DAPL1: variants seen among roughly 807,000 people sequenced by gnomAD.
DAPL1 encodes death-associated protein-like 1.
Under a neutral mutation model 12.9 loss-of-function variants are expected in DAPL1, and 17 were observed. The observed-to-expected ratio is 1.32, with a 90% CI of 0.90 to 1.98. The LOEUF (loss-of-function observed/expected upper bound fraction) is 1.98, where lower values mean the gene tolerates loss of function less well. Ranked by LOEUF, DAPL1 falls within the 30% of genes most tolerant of loss-of-function variation. The pLI is 0.00. For synonymous variants in DAPL1, 51 were observed against 42.0 expected (o/e 1.21, Z -0.82); for missense variants, 157 against 125.7 (o/e 1.25, Z -1.19).
At chr2:158,798,042 G>A (rs1387040383) in intron 1 of DAPL1, among the ~76,000 whole-genome samples, 4 of 152,112 alleles carry the variant, frequency 2.6e-5, no homozygotes, top group Admixed American at 6.6e-5. Flanking sequence ...CCCATTATAT[G>A]AACAGCAGCA....
intron 1 of DAPL1, among the ~76,000 whole-genome samples, chr2:158,796,996 A>T (rs892213371): frequency 1.3e-5 from 2 of 152,244 alleles, no homozygotes; most frequent in East Asian, 3.8e-4. Context: ...CTGTCTTGCC[A>T]CTAATTTTAA....
intron 1 of DAPL1, among the ~76,000 whole-genome samples, chr2:158,796,284 C>T (rs766114075): frequency 6.6e-6 from 1 of 152,136 alleles, no homozygotes; most frequent in Non-Finnish European, 1.5e-5. Flanking sequence ...CTGTCTAATT[C>T]TCTGGCACCT....
At chr2:158,815,655 TG>T in intron 3 of DAPL1, 49 bp from the exon 4 acceptor site, 1 of 1,146,274 alleles carries the variant, frequency 8.7e-7, no homozygotes, top group Non-Finnish European at 1.3e-6. Flanking sequence ...TAATATTTCA[TG>T]ACCAAGAAGA....
intron 3 of DAPL1, among the ~76,000 whole-genome samples, chr2:158,812,534 C>T (rs1276692025): frequency 2.0e-5 from 3 of 152,190 alleles, no homozygotes; most frequent in Non-Finnish European, 4.4e-5. Flanking sequence ...TGGCTCATAA[C>T]TAGAATCCTA....
chr2:158,808,113 A>G (rs2059211726), intron 3 of DAPL1, among the ~76,000 whole-genome samples: 1 of 152,212 alleles, frequency 6.6e-6, no homozygotes, highest in South Asian at 2.1e-4. Flanking sequence ...AGTCAAGGTA[A>G]TATAGAGCCA....
intron 2 of DAPL1, among the ~76,000 whole-genome samples, chr2:158,804,717 G>T (rs564700944): frequency 4.6e-5 from 7 of 152,304 alleles, no homozygotes; most frequent in Non-Finnish European, 7.3e-5. Flanking sequence ...TTAAAATATT[G>T]TTCCTAGGCT....
chr2:158,804,421 G>A lies in DAPL1; in HGVS notation c.146+52G>A, dbSNP rs528340660. On this transcript the variant is annotated intron_variant, in intron 2 of 3. Coordinates refer to ENST00000309950, the MANE Select transcript of DAPL1 (RefSeq NM_001017920.3). ...ACCTTGAGGAGTTTTGAGTGACTCT[G>A]CCTCCAGGAGTTATTTTAGGACAAA... 78 of 1,324,712 alleles carry A rather than the reference G, an allele frequency of 5.9e-5. 2 individuals carry two copies. In the South Asian group the frequency reaches 9.7e-4, roughly 16 times the overall value. 82.1% of individuals were successfully genotyped at this position (1,324,712 alleles called of 1,614,324 possible).
chr2:158,802,738 G>T (rs1049561740), intron 1 of DAPL1, among the ~76,000 whole-genome samples: 3 of 152,130 alleles, frequency 2.0e-5, no homozygotes, highest in African/African-American at 7.2e-5. Context: ...TAATGGAATT[G>T]TTTCTAATAA....
intron 3 of DAPL1, among the ~76,000 whole-genome samples, chr2:158,810,549 T>C (rs987732836): frequency 6.6e-6 from 1 of 152,204 alleles, no homozygotes; most frequent in Non-Finnish European, 1.5e-5. Flanking sequence ...AAAATCAACA[T>C]GGGGTTTAAG....
rs1382350890 is a variant in DAPL1 at position 158,815,743 on chromosome 2, TCAAAAA to T, written c.248_253del (p.Gln83_Lys84del). On this transcript the variant is annotated inframe_deletion, in exon 4 of 4. Coordinates refer to ENST00000309950, the MANE Select transcript of DAPL1 (RefSeq NM_001017920.3). ...TTCCAGCAACAGTGCACATGGCGCA[TCAAAAA>T]CCCACACCTGCTCTGGAAAAGGTTG... 1.9e-6 allele frequency: 3 copies of T among 1,613,906 alleles called. No homozygotes were observed. The highest frequency in any genetic ancestry group is 2.5e-6 in the Non-Finnish European group (3 of 1,179,898).
intron 3 of DAPL1, among the ~76,000 whole-genome samples, chr2:158,810,924 G>A (rs537841706): frequency 6.6e-6 from 1 of 152,336 alleles, no homozygotes; most frequent in South Asian, 2.1e-4. Context: ...TAACTCCTCT[G>A]GGATTTGTGC....
chr2:158,798,761 G>A (rs2059149488), intron 1 of DAPL1, among the ~76,000 whole-genome samples: 1 of 151,938 alleles, frequency 6.6e-6, no homozygotes. Flanking sequence ...GGTCTTGATT[G>A]GCAGCCTAAA....
At chr2:158,813,852 G>A (rs1298932176) in intron 3 of DAPL1, among the ~76,000 whole-genome samples, 3 of 152,024 alleles carry the variant, frequency 2.0e-5, no homozygotes, top group Non-Finnish European at 4.4e-5. Flanking sequence ...ACCGAGCCCG[G>A]CCTCCTTTCC....
In DAPL1 at chr2:158,805,685, G is replaced by A. The variant is rs990685158; in HGVS notation, c.146+1316G>A. On this transcript the variant is annotated intron_variant, in intron 2 of 3. Coordinates refer to ENST00000309950, the MANE Select transcript of DAPL1 (RefSeq NM_001017920.3). ...TCATTTCTCTGCATCTCAGAAAAATGGGACTTACTATTAATTCTAACATCC... is the reference window on the plus strand; with the variant it reads ...TCATTTCTCTGCATCTCAGAAAAATAGGACTTACTATTAATTCTAACATCC... 3.4e-5 allele frequency among the ~76,000 whole-genome samples: 5 copies of A among 148,334 alleles called. 1 individual carries two copies. The highest frequency in any genetic ancestry group is 7.5e-5 in the Non-Finnish European group (5 of 66,312).
rs575747102 is a variant in DAPL1, at chr2:158,808,025, T to C, written c.207+910T>C. Among the ~76,000 whole-genome samples the C allele has an allele frequency of 7.9e-5, 12 of 152,344 alleles. No individual in the cohort carries two copies. The South Asian group carries it at 2.5e-3, about 32-fold the overall frequency. On this transcript the variant is annotated intron_variant, in intron 3 of 3. Transcript: ENST00000309950. Reference sequence around the variant, plus strand: ...GTAGACAGTGGTTTGGTTTTCCGGATTGAAAAGTTTGTTTTCAAATTTTGT... The same window carrying C: ...GTAGACAGTGGTTTGGTTTTCCGGACTGAAAAGTTTGTTTTCAAATTTTGT...
intron 3 of DAPL1, among the ~76,000 whole-genome samples, chr2:158,812,475 T>C (rs1490488700): frequency 6.6e-6 from 1 of 152,064 alleles, no homozygotes; most frequent in African/African-American, 2.4e-5. Context: ...AACAATACAG[T>C]GGTTCCTCAA....
chr2:158,808,013 T>C (rs944622735), intron 3 of DAPL1, among the ~76,000 whole-genome samples: 20 of 152,344 alleles, frequency 1.3e-4, no homozygotes, highest in Admixed American at 3.3e-4. Context: ...GACAGTGGTT[T>C]GGTTTTCCGG....
chr2:158,796,873 A>ATTT (rs2059137320), intron 1 of DAPL1, among the ~76,000 whole-genome samples: 1 of 152,344 alleles, frequency 6.6e-6, no homozygotes, highest in Non-Finnish European at 1.5e-5. Flanking sequence ...ACAATTAATT[A>ATTT]TTATGAACTG....
intron 1 of DAPL1, among the ~76,000 whole-genome samples, chr2:158,803,487 G>GACA (rs1466157425): frequency 6.6e-5 from 10 of 152,164 alleles, no homozygotes; most frequent in African/African-American, 1.9e-4. Context: ...TTTCTCATTT[G>GACA]AGCTTGTCAG....
Sources: gnomAD v4.1 joint callset for allele counts (sites outside exome capture counted in the v4.1 genomes callset) on GRCh38, gnomAD v4.1.1 for gene constraint, MANE v1.5 for transcripts, NCBI Gene and HGNC (gene_info 2026-07-23, HGNC 2026-07-21) for gene names.